RPRD1B: variants seen among roughly 807,000 people sequenced by gnomAD.
RPRD1B encodes regulation of nuclear pre-mRNA domain containing 1B.
RPRD1B carries 11 observed loss-of-function variants against 41.5 expected under a neutral mutation model. The observed-to-expected ratio is 0.27, with a 90% CI of 0.17 to 0.44. The LOEUF (loss-of-function observed/expected upper bound fraction) is 0.44, where lower values mean the gene tolerates loss of function less well. Ranked by LOEUF, RPRD1B falls within the 20% of genes least tolerant of loss-of-function variation. RPRD1B has a pLI of 1.00. For synonymous variants in RPRD1B, 158 were observed against 155.6 expected (o/e 1.02, Z -0.12); for missense variants, 248 against 389.9 (o/e 0.64, Z 3.06).
intron 2 of RPRD1B, among the ~76,000 whole-genome samples, chr20:38,043,967 C>T (rs961651396): frequency 1.3e-5 from 2 of 152,094 alleles, no homozygotes; most frequent in African/African-American, 4.8e-5. Context: ...TTTCTGGAGA[C>T]ATAAATTTGA....
chr20:38,035,993 T>G (rs2073999549), intron 1 of RPRD1B, among the ~76,000 whole-genome samples: 1 of 152,072 alleles, frequency 6.6e-6, no homozygotes, highest in Non-Finnish European at 1.5e-5. Flanking sequence ...CTTGATCTCC[T>G]GACCTTGTGA....
At chr20:38,058,262 G>C (rs1020038861) in intron 4 of RPRD1B, among the ~76,000 whole-genome samples, 4 of 151,878 alleles carry the variant, frequency 2.6e-5, no homozygotes, top group African/African-American at 9.7e-5. Context: ...GGGGCGGGGG[G>C]GGCTTCATCT....
At chr20:38,082,092 C>A (rs2074517880) in intron 6 of RPRD1B, among the ~76,000 whole-genome samples, 2 of 152,164 alleles carry the variant, frequency 1.3e-5, no homozygotes, top group Admixed American at 1.3e-4. Flanking sequence ...AGGACTCCCT[C>A]CTTCTTGATT....
chr20:38,070,141 T>A, intron 6 of RPRD1B: 1 of 957,678 alleles, frequency 1.0e-6, no homozygotes, highest in Non-Finnish European at 1.2e-6. Context: ...TTGTACTACT[T>A]TTCTTTTTTC....
intron 3 of RPRD1B, among the ~76,000 whole-genome samples, chr20:38,049,312 T>C (rs150860083): frequency 6.6e-6 from 1 of 152,048 alleles, no homozygotes; most frequent in Non-Finnish European, 1.5e-5. Context: ...TGTGTGAATT[T>C]TGCAAAGCCC....
intron 6 of RPRD1B, among the ~76,000 whole-genome samples, chr20:38,067,001 T>TG (rs2074364595): frequency 6.6e-6 from 1 of 152,180 alleles, no homozygotes; most frequent in Admixed American, 6.5e-5. Context: ...GCCAAGAAGT[T>TG]GTCTGCCTCC....
At chr20:38,064,499 C>T (rs577396025) in intron 5 of RPRD1B, among the ~76,000 whole-genome samples, 1 of 152,264 alleles carries the variant, frequency 6.6e-6, no homozygotes, top group Non-Finnish European at 1.5e-5. Flanking sequence ...TTTCAAAGCA[C>T]CAACCTACTC....
intron 1 of RPRD1B, among the ~76,000 whole-genome samples, chr20:38,035,139 C>T (rs1159599235): frequency 6.6e-6 from 1 of 152,108 alleles, no homozygotes; most frequent in Non-Finnish European, 1.5e-5. Flanking sequence ...GGGTGAGGCA[C>T]AGTGTAGGCA....
In RPRD1B at chr20:38,079,339, G is replaced by A. The variant is rs964528901; in HGVS notation, c.832-10387G>A. On this transcript the variant is annotated intron_variant, in intron 6 of 6. Transcript: ENST00000373433. ...ACATTGTGTGTCACAGGTATTTGGC[G>A]TACAGATAATTTTGTCATCCAGGTA... 4.0e-5 allele frequency among the ~76,000 whole-genome samples: 6 copies of A among 151,870 alleles called. No homozygotes were observed. In the South Asian group the frequency reaches 6.2e-4, roughly 16 times the overall value.
intron 2 of RPRD1B, among the ~76,000 whole-genome samples, chr20:38,043,794 G>A (rs1157771764): frequency 6.6e-6 from 1 of 152,204 alleles, no homozygotes; most frequent in Non-Finnish European, 1.5e-5. Context: ...AGGAATGACT[G>A]ATGGTGCCCT....
chr20:38,091,643 C>T lies in RPRD1B; in HGVS notation c.*1768C>T, dbSNP rs1193002653. On this transcript the variant is annotated 3_prime_UTR_variant, in exon 7 of 7. Transcript: ENST00000373433. ...CACTCCCCAACCTCTCCCCCACCCCCCGTGGTGTGCTGCTTTCTAGATGAG... is the reference window on the plus strand; with the variant it reads ...CACTCCCCAACCTCTCCCCCACCCCTCGTGGTGTGCTGCTTTCTAGATGAG... 1 of 985,646 alleles carries T rather than the reference C, an allele frequency of 1.0e-6. No homozygotes were observed. Among genetic ancestry groups the T allele is most frequent in the East Asian group, 1.1e-4 (1 of 8,816 alleles). The allele number at this position is 985,646 out of a possible 1,614,324, so 61.1% of individuals were successfully genotyped here.
At position 38,091,826 on chromosome 20, in the gene RPRD1B, T is replaced by C; in HGVS notation, c.*1951T>C. On this transcript the variant is annotated 3_prime_UTR_variant, in exon 7 of 7. Coordinates refer to ENST00000373433, the MANE Select transcript of RPRD1B (RefSeq NM_021215.4). Reference sequence around the variant, plus strand: ...GGATTTAGCCCACTGCTCTGTTTTATCCAACTGAGTCTCTGACCAGCAATT... The same window carrying C: ...GGATTTAGCCCACTGCTCTGTTTTACCCAACTGAGTCTCTGACCAGCAATT... 1.0e-6 allele frequency: 1 copy of C among 985,878 alleles called. No homozygotes were observed. The highest frequency in any genetic ancestry group is 1.7e-5 in the African/African-American group (1 of 57,370). The allele number at this position is 985,878 out of a possible 1,614,324, so 61.1% of individuals were successfully genotyped here.
chr20:38,084,453 T>C (rs2074542707), intron 6 of RPRD1B, among the ~76,000 whole-genome samples: 1 of 152,186 alleles, frequency 6.6e-6, no homozygotes, highest in Admixed American at 6.5e-5. Context: ...TTGATCGTTG[T>C]TTCTTAGATG....
intron 6 of RPRD1B, among the ~76,000 whole-genome samples, chr20:38,072,059 C>G (rs529376318): frequency 3.3e-5 from 5 of 152,198 alleles, no homozygotes; most frequent in African/African-American, 1.2e-4. Flanking sequence ...GTTGCTCATG[C>G]TTTTGGTGTC....
chr20:38,063,419 C>G (rs1409336886), intron 5 of RPRD1B, among the ~76,000 whole-genome samples: 1 of 152,176 alleles, frequency 6.6e-6, no homozygotes, highest in Non-Finnish European at 1.5e-5. Context: ...TTTCTAAGAG[C>G]CTAGTTATAA....
At chr20:38,062,876 C>A (rs1383637187) in intron 5 of RPRD1B, among the ~76,000 whole-genome samples, 5 of 133,434 alleles carry the variant, frequency 3.7e-5, no homozygotes, top group Non-Finnish European at 7.8e-5. Flanking sequence ...CATTCTGTCA[C>A]CCAGGCTGGA....
chr20:38,064,559 C>T (rs912670139), intron 5 of RPRD1B, among the ~76,000 whole-genome samples: 1 of 152,144 alleles, frequency 6.6e-6, no homozygotes, highest in South Asian at 2.1e-4. Context: ...ATTTAAAATT[C>T]GAATCTCACC....
chr20:38,033,863 G>A lies in RPRD1B; in HGVS notation c.-85G>A. On this transcript the variant is annotated 5_prime_UTR_variant, in exon 1 of 7. Coordinates refer to ENST00000373433, the MANE Select transcript of RPRD1B (RefSeq NM_021215.4). ...CGGTAAAAAGTCCCGCAGCCTGTCA[G>A]GTGAGGCCCCGGCCTCGTGCCGTCG... is the stretch of plus-strand genomic sequence containing the variant. 3 of 1,372,896 alleles carry A rather than the reference G, an allele frequency of 2.2e-6. No homozygotes were observed. The highest frequency in any genetic ancestry group is 2.9e-6 in the Non-Finnish European group (3 of 1,017,308). The allele number at this position is 1,372,896 out of a possible 1,614,324, so 85.0% of individuals were successfully genotyped here. A position where few individuals can be genotyped will look rare whatever the true frequency, so the allele number is the denominator to read the frequency against.
chr20:38,034,146 C>T, intron 1 of RPRD1B, 48 bp downstream of exon 1: 1 of 1,583,338 alleles, frequency 6.3e-7, no homozygotes, highest in Non-Finnish European at 8.6e-7. Flanking sequence ...ATTGTCCTCT[C>T]GCCCACATAC....
Sources: gnomAD v4.1 joint callset for allele counts (sites outside exome capture counted in the v4.1 genomes callset) on GRCh38, gnomAD v4.1.1 for gene constraint, MANE v1.5 for transcripts, NCBI Gene and HGNC (gene_info 2026-07-23, HGNC 2026-07-21) for gene names.